The following RYR1 variants were observed in gnomAD, a reference collection of about 807,000 sequenced individuals.
RYR1 encodes the protein central core disease of muscle.
In RYR1, 342 loss-of-function variants were observed where a neutral mutation model predicts 583.5. The ratio of observed to expected loss-of-function variants is 0.59; its 90% CI spans 0.54 to 0.64. The LOEUF (loss-of-function observed/expected upper bound fraction) is 0.64, where lower values mean the gene tolerates loss of function less well. RYR1 is among the 30% of genes least tolerant of loss of function. RYR1 has a pLI of 0.00. For missense variants in RYR1, 6,032 were observed against 6,917.2 expected, an observed-to-expected ratio of 0.87 and a Z score of 4.54; for synonymous variants, 2,791 against 2,822.5, an observed-to-expected ratio of 0.99 and a Z score of 0.35.
intron 89 of RYR1, among the ~76,000 whole-genome samples, chr19:38,558,948 G>A (rs1256096081): frequency 2.6e-5 from 4 of 152,112 alleles, no homozygotes; most frequent in Admixed American, 2.6e-4. Flanking sequence ...GAATTAGCCA[G>A]TGTGGTGGCA....
Position 38,504,335 on chromosome 19 carries a change from G to C in RYR1, c.8042G>C (p.Gly2681Ala), listed in dbSNP as rs1970341837. Residue 2681 changes from glycine to alanine, a missense_variant, in exon 50 of 106, where the codon GGC (glycine) becomes GCC (alanine). Gly to Ala is a moderately conservative substitution (Grantham distance 60, BLOSUM62 0). Around this residue, in one of 11 missense-constraint regions of RYR1, gnomAD observed 1,493 missense variants for 1,715.5 expected, o/e 0.87. Transcript: ENST00000359596. Reference sequence around the variant, plus strand: ...CACCTCACACGGAAACTCTTCTGGGGCATCTTTGACTCTCTGGCCCATAAG... The same window carrying C: ...CACCTCACACGGAAACTCTTCTGGGCCATCTTTGACTCTCTGGCCCATAAG... ...ELHLTRKLFW[G>A]IFDSLAHKKY... The C allele has an allele frequency of 1.9e-6, 3 of 1,614,146 alleles. No individual in the cohort carries two copies. The highest frequency in any genetic ancestry group is 2.5e-6 in the Non-Finnish European group (3 of 1,180,038).
intron 34 of RYR1, among the ~76,000 whole-genome samples, chr19:38,486,505 C>T (rs1305713875): frequency 1.3e-5 from 2 of 152,068 alleles, no homozygotes; most frequent in African/African-American, 2.4e-5. Flanking sequence ...CACCACGCCC[C>T]GCTAATATTT....
At position 38,527,672 on chromosome 19, in the gene RYR1, G is replaced by A; in HGVS notation, c.10712G>A (p.Trp3571Ter). 1.9e-6 allele frequency: 3 copies of A among 1,614,182 alleles called. No homozygotes were observed. Among genetic ancestry groups the A allele is most frequent in the Non-Finnish European group, 1.7e-6 (2 of 1,180,040 alleles). The change falls in exon 73 of 106, where the codon TGG becomes TAG. Residue 3571 changes from tryptophan to a stop codon, truncating the protein, a stop_gained. Transcript: ENST00000359596. LOFTEE classifies it high-confidence loss of function. ...GKVEGSPSLRWQMALYRGVPG... is the reference protein window; with the variant it reads ...GKVEGSPSLR ...GTCGAAGGCTCCCCGTCTCTGCGCTGGCAGATGGCTCTGTACCGGGGCGTC... is the reference window on the plus strand; with the variant it reads ...GTCGAAGGCTCCCCGTCTCTGCGCTAGCAGATGGCTCTGTACCGGGGCGTC...
intron 58 of RYR1, among the ~76,000 whole-genome samples, chr19:38,508,325 T>G (rs1970573186): frequency 6.6e-6 from 1 of 152,144 alleles, no homozygotes; most frequent in Non-Finnish European, 1.5e-5. Context: ...TTCTCCTGCC[T>G]CAGCCTCCTG....
rs1973352482 is a variant in RYR1 at position 38,565,308 on chromosome 19, CCCGCGA to C, written c.12975_12980del (p.Arg4326_Glu4327del). 9.0e-7 allele frequency: 1 copy of C among 1,116,538 alleles called. No individual in the cohort carries two copies. Among genetic ancestry groups the C allele is most frequent in the Admixed American group, 5.1e-5 (1 of 19,778 alleles). The allele number at this position is 1,116,538 out of a possible 1,614,324, so 69.2% of individuals were successfully genotyped here. ...GTGCGGCGGCTGCGGCGGCTTACGG[CCCGCGA>C]GGCGGCCACCGCAGTGGCGGCGCTG... On this transcript the variant is annotated inframe_deletion, in exon 91 of 106. Transcript: ENST00000359596. The surrounding 1 kb of genome is among the most constrained non-coding windows in gnomAD (Gnocchi z 4.7).
At chr19:38,498,943 T>A (rs1969969819) in intron 42 of RYR1, among the ~76,000 whole-genome samples, 165 bp from the exon 43 acceptor site, 5 of 152,218 alleles carry the variant, frequency 3.3e-5, no homozygotes, top group Admixed American at 3.3e-4. Context: ...AAGATGGAGT[T>A]GCTGTAGTTT....
At chr19:38,560,749 A>AAG (rs1245354271) in intron 89 of RYR1, among the ~76,000 whole-genome samples, 3 of 149,354 alleles carry the variant, frequency 2.0e-5, no homozygotes, top group East Asian at 2.0e-4. Flanking sequence ...AAAAAAAAAA[A>AAG]AGAGAAAGAA....
chr19:38,586,244 C>G lies in RYR1; in HGVS notation c.14969+53C>G. ...GGGTGGGGGGCATGGCTGCCAATAG[C>G]CAGCAGTGGGGTACTTAGCTTTGGC... is the stretch of plus-strand genomic sequence containing the variant. On this transcript the variant is annotated intron_variant, in intron 104 of 105. Transcript: ENST00000359596. 8.6e-6 allele frequency: 13 copies of G among 1,506,112 alleles called. No homozygotes were observed. The South Asian group carries it at 1.5e-4, about 17-fold the overall frequency. The allele number at this position is 1,506,112 out of a possible 1,614,324, so 93.3% of individuals were successfully genotyped here. A position where few individuals can be genotyped will look rare whatever the true frequency, so the allele number is the denominator to read the frequency against.
intron 5 of RYR1, 104 bp downstream of exon 5, chr19:38,443,900 G>T (rs2145337097): frequency 9.2e-7 from 1 of 1,082,464 alleles, no homozygotes; most frequent in Non-Finnish European, 1.4e-6. Context: ...CTACCCTGGG[G>T]ACATGAATGG....
intron 76 of RYR1, among the ~76,000 whole-genome samples, chr19:38,531,002 T>TG (rs1313129911): frequency 1.2e-4 from 18 of 149,280 alleles, no homozygotes; most frequent in Admixed American, 2.7e-4. Flanking sequence ...TTTTTTTTTT[T>TG]TTTGTATTTT....
chr19:38,467,497 A>G, intron 24 of RYR1, 113 bp from the exon 25 acceptor site: 1 of 1,156,246 alleles, frequency 8.6e-7, no homozygotes, highest in Non-Finnish European at 1.3e-6. Flanking sequence ...CCCTCTTCCA[A>G]CAGTTCCCCA....
At chr19:38,476,237 C>A (rs1278243139) in intron 29 of RYR1, among the ~76,000 whole-genome samples, 1 of 151,310 alleles carries the variant, frequency 6.6e-6, no homozygotes, top group Non-Finnish European at 1.5e-5. Context: ...CTCAGCCTGT[C>A]GCCCAGGCTG....
intron 89 of RYR1, among the ~76,000 whole-genome samples, chr19:38,549,493 A>G (rs1040150376): frequency 3.3e-5 from 5 of 152,128 alleles, no homozygotes. Flanking sequence ...TACCTGGAAT[A>G]TGGTGAGTCC....
intron 25 of RYR1, among the ~76,000 whole-genome samples, chr19:38,468,493 C>G (rs547544463): frequency 1.4e-3 from 208 of 152,332 alleles, no homozygotes; most frequent in African/African-American, 4.7e-3. Flanking sequence ...CTGTATCAAC[C>G]CAGGTAAACT....
chr19:38,489,311 G>A lies in RYR1; in HGVS notation c.5682G>A (p.Glu1894=), dbSNP rs1430293426. ...AGGAAGATGAGGAGGAGAAGGAGGA[G>A]GATGAGGAGGAAACAGCACAGGAAA... ...GEEEDEEEKE[E]DEEETAQEKE... is the part of the protein sequence containing the mutation. The change falls in exon 35 of 106, where the codon GAG becomes GAA. Residue 1894 remains glutamate (E), a synonymous_variant. Transcript: ENST00000359596. 6.2e-7 allele frequency: 1 copy of A among 1,601,016 alleles called. No homozygotes were observed. Among genetic ancestry groups the A allele is most frequent in the Admixed American group, 1.7e-5 (1 of 59,936 alleles).
At chr19:38,528,118 T>C (rs1971558065) in intron 73 of RYR1, 188 bp from the exon 74 acceptor site, 1 of 663,884 alleles carries the variant, frequency 1.5e-6, no homozygotes, top group African/African-American at 1.8e-5. Flanking sequence ...GGACCTGGCC[T>C]AGGATGGAAA....
chr19:38,583,681 G>A (rs982253228), intron 101 of RYR1, among the ~76,000 whole-genome samples: 3 of 151,976 alleles, frequency 2.0e-5, no homozygotes, highest in Non-Finnish European at 2.9e-5. Context: ...CTTTCTAGCC[G>A]CCTGGTCCTC....
At chr19:38,550,787 A>G (rs1313466814) in intron 89 of RYR1, among the ~76,000 whole-genome samples, 1 of 152,166 alleles carries the variant, frequency 6.6e-6, no homozygotes. Flanking sequence ...TAAGTGTCTC[A>G]TGAGGATATA....
chr19:38,515,564 C>T (rs547057399), intron 64 of RYR1, among the ~76,000 whole-genome samples: 55 of 152,160 alleles, frequency 3.6e-4, no homozygotes, highest in Admixed American at 1.6e-3. Context: ...GAGGCTGAGG[C>T]GGGAAGATCA....
Sources: gnomAD v4.1 joint callset for allele counts (sites outside exome capture counted in the v4.1 genomes callset) on GRCh38, gnomAD v4.1.1 for gene constraint, gnomAD v4.1.1 regional missense constraint, Gnocchi (gnomAD v3.1) non-coding constraint, MANE v1.5 for transcripts, NCBI Gene and HGNC (gene_info 2026-07-23, HGNC 2026-07-21) for gene names.